Variants in CHRM2 observed in about 807,000 individuals in gnomAD.
CHRM2 encodes the protein cholinergic receptor muscarinic 2.
A neutral mutation model predicts 25.0 loss-of-function variants in CHRM2; 8 were observed. That is an observed-to-expected ratio of 0.32 (90% CI 0.19 to 0.58). The LOEUF is 0.58. Ranked by LOEUF, CHRM2 falls within the 20% of genes least tolerant of loss-of-function variation. The probability of loss-of-function intolerance (pLI) is 0.88; values close to 1 mark genes in which losing one functional copy is unlikely to be tolerated. For missense variants in CHRM2, 440 were observed against 567.1 expected (o/e 0.78, Z 2.28); for synonymous variants, 202 against 205.7 (o/e 0.98, Z 0.15).
chr7:136,952,075 G>A (rs1800445467), intron 2 of CHRM2, among the ~76,000 whole-genome samples: 1 of 152,206 alleles, frequency 6.6e-6, no homozygotes, highest in Non-Finnish European at 1.5e-5. Context: ...TAGGGTGGGA[G>A]CAGAACACAA....
chr7:136,884,754 T>C (rs553489913), intron 2 of CHRM2, among the ~76,000 whole-genome samples: 1 of 152,248 alleles, frequency 6.6e-6, no homozygotes, highest in East Asian at 1.9e-4. Context: ...CAGGGAAGTA[T>C]AGGAGAACAT....
chr7:136,987,962 G>C (rs1802967945), intron 2 of CHRM2, among the ~76,000 whole-genome samples: 1 of 151,816 alleles, frequency 6.6e-6, no homozygotes, highest in Non-Finnish European at 1.5e-5. Context: ...TCTAAAATGA[G>C]AAGGAACATT....
chr7:136,883,033 G>A (rs1489002835), intron 2 of CHRM2, among the ~76,000 whole-genome samples: 1 of 152,122 alleles, frequency 6.6e-6, no homozygotes, highest in Non-Finnish European at 1.5e-5. Context: ...TGGATAATTT[G>A]CCATGCAATA....
At chr7:136,940,490 T>C (rs756935053) in intron 2 of CHRM2, among the ~76,000 whole-genome samples, 3 of 152,198 alleles carry the variant, frequency 2.0e-5, no homozygotes, top group Non-Finnish European at 4.4e-5. Context: ...GAGTCAATAG[T>C]AGTACATAAC....
At chr7:136,963,508 G>A (rs1349894590) in intron 2 of CHRM2, among the ~76,000 whole-genome samples, 2 of 152,154 alleles carry the variant, frequency 1.3e-5, no homozygotes, top group East Asian at 3.9e-4. Context: ...AAGACTTAAG[G>A]GCTCTAGGGT....
At chr7:136,981,469 A>G (rs1016622320) in intron 2 of CHRM2, among the ~76,000 whole-genome samples, 2 of 152,016 alleles carry the variant, frequency 1.3e-5, no homozygotes, top group Non-Finnish European at 2.9e-5. Context: ...CTCTGATCTT[A>G]GTTATTTCTT....
At chr7:136,963,804 A>T (rs534775898) in intron 2 of CHRM2, among the ~76,000 whole-genome samples, 1 of 151,934 alleles carries the variant, frequency 6.6e-6, no homozygotes, top group African/African-American at 2.4e-5. Context: ...AAAAAAAAAA[A>T]TTTCTCTAGA....
chr7:136,916,631 ATTTG>A (rs913997856), intron 2 of CHRM2, among the ~76,000 whole-genome samples: 31 of 150,450 alleles, frequency 2.1e-4, no homozygotes, highest in African/African-American at 6.8e-4. Flanking sequence ...TTATCCTTGA[ATTTG>A]TTTATTAACG....
intron 3 of CHRM2, among the ~76,000 whole-genome samples, chr7:137,012,158 C>T (rs1202251051): frequency 2.0e-5 from 3 of 151,974 alleles, no homozygotes; most frequent in Admixed American, 6.6e-5. Flanking sequence ...ATTAACATTT[C>T]ATGAAACAGA....
intron 3 of CHRM2, among the ~76,000 whole-genome samples, chr7:136,998,403 G>T (rs1374341518): frequency 6.6e-6 from 1 of 152,152 alleles, no homozygotes; most frequent in East Asian, 1.9e-4. Flanking sequence ...TTTTCTTTTT[G>T]TAGATACACA....
chr7:137,009,325 T>G (rs1804656516), intron 3 of CHRM2, among the ~76,000 whole-genome samples: 1 of 152,150 alleles, frequency 6.6e-6, no homozygotes, highest in Non-Finnish European at 1.5e-5. Flanking sequence ...TTTTGTCCAC[T>G]GATGTGAATA....
At chr7:136,880,693 C>G (rs1796231619) in intron 2 of CHRM2, among the ~76,000 whole-genome samples, 1 of 151,596 alleles carries the variant, frequency 6.6e-6, no homozygotes, top group Admixed American at 6.6e-5. Flanking sequence ...GAACTGTTTC[C>G]ACAAACCTTT....
At chr7:136,952,464 T>G (rs899776129) in intron 2 of CHRM2, among the ~76,000 whole-genome samples, 1 of 152,172 alleles carries the variant, frequency 6.6e-6, no homozygotes, top group African/African-American at 2.4e-5. Flanking sequence ...GTTCAAATTG[T>G]TTATGTACTT....
intron 2 of CHRM2, among the ~76,000 whole-genome samples, chr7:136,949,412 T>C (rs1800258317): frequency 7.1e-6 from 1 of 140,918 alleles, no homozygotes; most frequent in Non-Finnish European, 1.5e-5. Flanking sequence ...AGGCCAGGAG[T>C]TCAAGACCAG....
chr7:137,008,768 T>C (rs143094472), intron 3 of CHRM2, among the ~76,000 whole-genome samples: 2 of 152,226 alleles, frequency 1.3e-5, no homozygotes, highest in African/African-American at 2.4e-5. Flanking sequence ...ACTTTCTTCT[T>C]GTTCTCAAAT....
chr7:137,015,841 A>G lies in CHRM2; in HGVS notation c.976A>G (p.Arg326Gly). Reference sequence around the variant, plus strand: ...TGAGAACTCTAAGCAAACATGCATCAGAATTGGCACCAAGACCCCAAAAAG... The same window carrying G: ...TGAGAACTCTAAGCAAACATGCATCGGAATTGGCACCAAGACCCCAAAAAG... ...KDENSKQTCI[R>G]IGTKTPKSDS... The change falls in exon 4 of 4, where the codon AGA becomes GGA. Residue 326 changes from arginine (R) to glycine (G), a missense_variant. Physicochemically the swap from Arg to Gly is moderately radical, Grantham distance 125. This residue lies in a region of CHRM2 where 261 missense variants were observed against 261.8 expected (regional missense o/e 1.00). Transcript: ENST00000680005. The surrounding 1 kb of genome is among the most constrained non-coding windows in gnomAD (Gnocchi z 5.1). 6.2e-7 allele frequency: 1 copy of G among 1,613,038 alleles called. No individual in the cohort carries two copies. Among genetic ancestry groups the G allele is most frequent in the Admixed American group, 1.7e-5 (1 of 59,916 alleles).
Position 137,015,797 on chromosome 7 carries a change from C to T in CHRM2, c.932C>T (p.Ser311Phe), listed in dbSNP as rs776902210. ...ITQDENTVST[S>F]LGHSKDENSK... ...CAGGATGAAAACACAGTTTCCACTT[C>T]CCTGGGCCATTCCAAAGATGAGAAC... Residue 311 changes from serine to phenylalanine, a missense_variant, in exon 4 of 4, where the codon TCC (serine) becomes TTC (phenylalanine). Transcript: ENST00000680005. This position sits in a 1 kb window ranked among gnomAD's most constrained non-coding sequence, Gnocchi z 5.1. 1 of 1,613,132 alleles carries T rather than the reference C, an allele frequency of 6.2e-7. No individual in the cohort carries two copies. Among genetic ancestry groups the T allele is most frequent in the East Asian group, 2.2e-5 (1 of 44,752 alleles).
intron 2 of CHRM2, among the ~76,000 whole-genome samples, chr7:136,908,195 G>A (rs925397246): frequency 7.9e-5 from 12 of 151,862 alleles, no homozygotes; most frequent in Non-Finnish European, 1.8e-4. Context: ...TGAGATTACA[G>A]TTTTAGATCA....
At chr7:136,925,476 G>A (rs1166250147) in intron 2 of CHRM2, among the ~76,000 whole-genome samples, 2 of 151,920 alleles carry the variant, frequency 1.3e-5, no homozygotes, top group African/African-American at 2.4e-5. Context: ...TTTTCAAAGG[G>A]TATGTTAATT....
Sources: gnomAD v4.1 joint callset for allele counts (sites outside exome capture counted in the v4.1 genomes callset) on GRCh38, gnomAD v4.1.1 for gene constraint, gnomAD v4.1.1 regional missense constraint, Gnocchi (gnomAD v3.1) non-coding constraint, MANE v1.5 for transcripts, NCBI Gene and HGNC (gene_info 2026-07-23, HGNC 2026-07-21) for gene names.